The following IQCJ variants were observed in gnomAD, a reference collection of about 807,000 sequenced individuals.
IQCJ encodes the protein IQ motif containing J.
In IQCJ, 9 loss-of-function variants were observed where a neutral mutation model predicts 11.0. The observed-to-expected ratio is 0.82, with a 90% CI of 0.49 to 1.43. The LOEUF (loss-of-function observed/expected upper bound fraction) is 1.43, where lower values mean the gene tolerates loss of function less well. Ranked by LOEUF, IQCJ falls within the 40% of genes most tolerant of loss-of-function variation. The pLI is 0.00. For missense variants in IQCJ, 146 were observed against 133.2 expected (o/e 1.10, Z -0.47); for synonymous variants, 55 against 51.3 (o/e 1.07, Z -0.31).
chr3:159,210,175 G>T (rs1018515864), intron 1 of IQCJ, among the ~76,000 whole-genome samples: 2 of 152,144 alleles, frequency 1.3e-5, no homozygotes, highest in Non-Finnish European at 1.5e-5. Flanking sequence ...GGAGTGCCTC[G>T]TCTGTAGGGA....
chr3:159,135,200 C>A (rs552311052), intron 1 of IQCJ, among the ~76,000 whole-genome samples: 3 of 152,270 alleles, frequency 2.0e-5, no homozygotes, highest in African/African-American at 7.2e-5. Context: ...ACATTTCTTG[C>A]AAGGCTTACT....
intron 1 of IQCJ, among the ~76,000 whole-genome samples, chr3:159,120,804 G>A (rs1033534590): frequency 6.6e-6 from 1 of 152,186 alleles, no homozygotes; most frequent in Non-Finnish European, 1.5e-5. Flanking sequence ...GAGTATGGTG[G>A]TAGGCAGTCT....
At chr3:159,106,803 G>A (rs1718293738) in intron 1 of IQCJ, among the ~76,000 whole-genome samples, 1 of 152,088 alleles carries the variant, frequency 6.6e-6, no homozygotes, top group East Asian at 1.9e-4. Context: ...GCTATGAATT[G>A]GGGTTCCCGT....
At chr3:159,195,139 C>T (rs950444605) in intron 1 of IQCJ, among the ~76,000 whole-genome samples, 2 of 151,898 alleles carry the variant, frequency 1.3e-5, no homozygotes, top group Admixed American at 6.6e-5. Context: ...ATCACTGGAG[C>T]ACGTTTCCAT....
At chr3:159,124,221 A>C (rs1410205645) in intron 1 of IQCJ, among the ~76,000 whole-genome samples, 2 of 152,108 alleles carry the variant, frequency 1.3e-5, no homozygotes, top group African/African-American at 2.4e-5. Context: ...GGGGAAGGCT[A>C]TCATCATCTC....
In IQCJ at chr3:159,179,773, C is replaced by T. The variant is rs73877520; in HGVS notation, c.10-66070C>T. On this transcript the variant is annotated intron_variant, in intron 1 of 3. Coordinates refer to ENST00000397832, the MANE Select transcript of IQCJ (RefSeq NM_001042706.3). ...ATTTTCTTTACTCCACAACAACCTTCTGAGGAAGTTTTGAATGAGAGACTG... is the reference window on the plus strand; with the variant it reads ...ATTTTCTTTACTCCACAACAACCTTTTGAGGAAGTTTTGAATGAGAGACTG... Among the ~76,000 whole-genome samples, 261 of 152,278 alleles carry T rather than the reference C, an allele frequency of 1.7e-3. 1 individual carries two copies. The highest frequency in any genetic ancestry group is 6.1e-3 in the African/African-American group (253 of 41,554).
intron 1 of IQCJ, among the ~76,000 whole-genome samples, chr3:159,166,999 A>G (rs1722205415): frequency 6.6e-6 from 1 of 152,182 alleles, no homozygotes; most frequent in African/African-American, 2.4e-5. Context: ...GTAGGAGGCA[A>G]CCCTGGTATT....
chr3:159,217,619 T>C (rs1291382670), intron 1 of IQCJ, among the ~76,000 whole-genome samples: 2 of 152,200 alleles, frequency 1.3e-5, no homozygotes, highest in African/African-American at 4.8e-5. Flanking sequence ...CTCCTTCCTG[T>C]ACATATCTTG....
intron 1 of IQCJ, among the ~76,000 whole-genome samples, chr3:159,213,798 A>G (rs770659944): frequency 2.9e-4 from 44 of 152,112 alleles, no homozygotes; most frequent in Non-Finnish European, 5.3e-4. Context: ...AAGTTCCTCA[A>G]ATCAGTTTCA....
intron 1 of IQCJ, among the ~76,000 whole-genome samples, chr3:159,216,451 G>A (rs1224797001): frequency 2.0e-5 from 3 of 152,028 alleles, no homozygotes; most frequent in African/African-American, 4.8e-5. Flanking sequence ...CTTATCAGGG[G>A]GATCTTCAGG....
At chr3:159,223,432 C>T (rs532275753) in intron 1 of IQCJ, among the ~76,000 whole-genome samples, 94 of 152,088 alleles carry the variant, frequency 6.2e-4, no homozygotes, top group Non-Finnish European at 6.3e-4. Flanking sequence ...GTATTAGTGA[C>T]GTTACATGTG....
chr3:159,200,104 A>T (rs899687365), intron 1 of IQCJ, among the ~76,000 whole-genome samples: 13 of 116,938 alleles, frequency 1.1e-4, no homozygotes, highest in Middle Eastern at 4.3e-3. Flanking sequence ...TTTATACATA[A>T]ATATATATAT....
chr3:159,222,649 T>C (rs964405482), intron 1 of IQCJ, among the ~76,000 whole-genome samples: 6 of 152,148 alleles, frequency 3.9e-5, no homozygotes, highest in Admixed American at 1.3e-4. Flanking sequence ...GCTAATATTG[T>C]ATTTTGAAAA....
At chr3:159,171,173 G>A (rs78304733) in intron 1 of IQCJ, among the ~76,000 whole-genome samples, 288 of 151,776 alleles carry the variant, frequency 1.9e-3, no homozygotes, top group African/African-American at 6.7e-3. Flanking sequence ...CAGCAACGAG[G>A]TACTATTAAA....
intron 1 of IQCJ, among the ~76,000 whole-genome samples, chr3:159,182,204 CT>C (rs869114965): frequency 2.9e-4 from 43 of 149,760 alleles, no homozygotes; most frequent in African/African-American, 1.1e-3. Context: ...CAAAATTATA[CT>C]TTTTTTAAAA....
rs898700356 is a variant in IQCJ at position 159,191,342 on chromosome 3, G to A, written c.10-54501G>A. ...GAGGAGGCTGGGGTTGGATCATGGA[G>A]CATCTTGGTTTACAGACTGAGGACC... On this transcript the variant is annotated intron_variant, in intron 1 of 3. Coordinates refer to ENST00000397832, the MANE Select transcript of IQCJ (RefSeq NM_001042706.3). Among the ~76,000 whole-genome samples, 4 of 152,262 alleles carry A rather than the reference G, an allele frequency of 2.6e-5. 1 individual carries two copies. The highest frequency in any genetic ancestry group is 9.6e-5 in the African/African-American group (4 of 41,558).
chr3:159,149,187 A>T (rs1721071264), intron 1 of IQCJ, among the ~76,000 whole-genome samples: 2 of 152,262 alleles, frequency 1.3e-5, no homozygotes, highest in Admixed American at 1.3e-4. Context: ...ACACGGGCAC[A>T]ATCCTGGACA....
At position 159,263,239 on chromosome 3, in the gene IQCJ, A is replaced by G; in HGVS notation, c.*508A>G. ...ACTTGGCTCCTGACAATGTGACACC[A>G]TGTGGCGATACAGGCAGGCATGGCC... On this transcript the variant is annotated 3_prime_UTR_variant, in exon 4 of 4. Coordinates refer to ENST00000397832, the MANE Select transcript of IQCJ (RefSeq NM_001042706.3). The G allele has an allele frequency of 3.1e-6, 1 of 320,204 alleles. No individual in the cohort carries two copies. Among genetic ancestry groups the G allele is most frequent in the Non-Finnish European group, 4.5e-6 (1 of 221,834 alleles). 19.8% of individuals were successfully genotyped at this position (320,204 alleles called of 1,614,324 possible).
rs563849601 is a variant in IQCJ at position 159,082,540 on chromosome 3, A to T, written c.9+13099A>T. On this transcript the variant is annotated intron_variant, in intron 1 of 3. Transcript: ENST00000397832. ...TGTTGAGGCGAGAGGCCCAGGAAAAAAAAAATGGCTTTGTAGTGGGGAAAA... is the reference window on the plus strand; with the variant it reads ...TGTTGAGGCGAGAGGCCCAGGAAAATAAAAATGGCTTTGTAGTGGGGAAAA... 2.6e-5 allele frequency among the ~76,000 whole-genome samples: 4 copies of T among 152,154 alleles called. No individual in the cohort carries two copies. The South Asian group carries it at 8.3e-4, about 32-fold the overall frequency.
Sources: gnomAD v4.1 joint callset for allele counts (sites outside exome capture counted in the v4.1 genomes callset) on GRCh38, gnomAD v4.1.1 for gene constraint, MANE v1.5 for transcripts, NCBI Gene and HGNC (gene_info 2026-07-23, HGNC 2026-07-21) for gene names.